The following EIF4E2 variants were observed in gnomAD, a reference collection of about 807,000 sequenced individuals.
EIF4E2 encodes the protein eukaryotic translation initiation factor 4E family member 2.
A neutral mutation model predicts 34.2 loss-of-function variants in EIF4E2; 13 were observed. That is an observed-to-expected ratio of 0.38 (90% CI 0.25 to 0.60). EIF4E2 has a LOEUF of 0.60. Among genes scored for constraint, EIF4E2 ranks in the 20% least tolerant of loss-of-function variants. The probability of loss-of-function intolerance (pLI) is 0.62; values close to 1 mark genes in which losing one functional copy is unlikely to be tolerated. For synonymous variants in EIF4E2, 100 were observed against 106.6 expected, an observed-to-expected ratio of 0.94 and a Z score of 0.38; for missense variants, 222 against 315.1, an observed-to-expected ratio of 0.70 and a Z score of 2.24.
downstream of EIF4E2, among the ~76,000 whole-genome samples, chr2:232,573,053 A>G (rs1420067016): frequency 6.6e-6 from 1 of 152,218 alleles, no homozygotes; most frequent in African/African-American, 2.4e-5. Flanking sequence ...TCAGGGATTC[A>G]CAAAGCACAT....
At chr2:232,577,884 T>C (rs1693259846) in intron 6 of EIF4E2, among the ~76,000 whole-genome samples, 1 of 152,234 alleles carries the variant, frequency 6.6e-6, no homozygotes, top group African/African-American at 2.4e-5. Flanking sequence ...TAGTTTGCTT[T>C]TAAAAGAACA....
At chr2:232,583,283 T>C (rs1214550590) in exon 7 of EIF4E2, 5 of 152,314 alleles carry the variant, frequency 3.3e-5, no homozygotes, top group African/African-American at 7.2e-5. Flanking sequence ...GTCTCCACTT[T>C]GCACAGTTGG....
intron 6 of EIF4E2, among the ~76,000 whole-genome samples, chr2:232,576,531 G>A (rs1430757914): frequency 6.6e-6 from 1 of 152,080 alleles, no homozygotes; most frequent in African/African-American, 2.4e-5. Context: ...GGAGGCAGAC[G>A]AAGAGAACAC....
intron 1 of EIF4E2, 74 bp from the exon 2 acceptor site, chr2:232,556,342 T>C (rs1692521377): frequency 1.6e-6 from 2 of 1,230,798 alleles, no homozygotes; most frequent in Admixed American, 3.9e-5. Flanking sequence ...GTAGTTCGTA[T>C]GACCTGGTGG....
At chr2:232,576,503 CT>C (rs11348496) in intron 6 of EIF4E2, among the ~76,000 whole-genome samples, 37,326 of 151,902 alleles carry the variant, frequency 0.25, 5,088 homozygotes, top group East Asian at 0.4. Flanking sequence ...GCCCCCGTGT[CT>C]TTTTTTATAC....
chr2:232,577,567 A>G (rs1693252263), intron 6 of EIF4E2, among the ~76,000 whole-genome samples: 1 of 152,194 alleles, frequency 6.6e-6, no homozygotes, highest in Non-Finnish European at 1.5e-5. Context: ...GTACTAAAAG[A>G]TGACCATTTT....
At chr2:232,568,761 G>A in intron 6 of EIF4E2, 184 bp from the exon 7 acceptor site, 1 of 985,380 alleles carries the variant, frequency 1.0e-6, no homozygotes, top group South Asian at 4.7e-5. Flanking sequence ...TGGGCTTTTT[G>A]CCTTAGTCTG....
downstream of EIF4E2, chr2:232,573,984 G>A (rs1295716831): frequency 6.3e-6 from 4 of 634,476 alleles, no homozygotes; most frequent in East Asian, 6.4e-5. Context: ...CTCCCCTGGA[G>A]CCTTGTTGAA....
At chr2:232,563,519 G>A (rs1308915733) in intron 3 of EIF4E2, among the ~76,000 whole-genome samples, 2 of 152,064 alleles carry the variant, frequency 1.3e-5, no homozygotes, top group African/African-American at 4.8e-5. Context: ...GTGAAGGAGC[G>A]GCAAGGAGAA....
chr2:232,557,902 G>T lies in EIF4E2; in HGVS notation c.154G>T (p.Ala52Ser). 1 of 1,613,530 alleles carries T rather than the reference G, an allele frequency of 6.2e-7. No individual in the cohort carries two copies. The highest frequency in any genetic ancestry group is 2.2e-5 in the East Asian group (1 of 44,874). ...SKRKAVVPGP[A>S]EHPLQYNYTF... Reference sequence around the variant, plus strand: ...TTCCCAGGCTGTTGTCCCTGGACCGGCAGAGCATCCCCTGCAGTACAACTA... The same window carrying T: ...TTCCCAGGCTGTTGTCCCTGGACCGTCAGAGCATCCCCTGCAGTACAACTA... Residue 52 changes from alanine (A) to serine (S), a missense_variant, in exon 3 of 7, where the codon GCA becomes TCA. Coordinates refer to ENST00000258416, the MANE Select transcript of EIF4E2 (RefSeq NM_004846.4).
exon 7 of EIF4E2, chr2:232,582,645 G>C (rs1375622037): frequency 6.6e-6 from 1 of 152,320 alleles, no homozygotes; most frequent in African/African-American, 2.4e-5. Flanking sequence ...ATTCAGATTT[G>C]CCGTGAAAAT....
chr2:232,563,477 GA>G (rs1355346380), intron 3 of EIF4E2, among the ~76,000 whole-genome samples: 1 of 152,032 alleles, frequency 6.6e-6, no homozygotes, highest in Non-Finnish European at 1.5e-5. Context: ...ATACTTGATG[GA>G]AAAATATAAA....
intron 2 of EIF4E2, among the ~76,000 whole-genome samples, chr2:232,557,367 C>T (rs1179290162): frequency 2.0e-5 from 3 of 152,216 alleles, no homozygotes; most frequent in Non-Finnish European, 2.9e-5. Flanking sequence ...GTGAATGAGA[C>T]TGTGGAAGGG....
downstream of EIF4E2, among the ~76,000 whole-genome samples, chr2:232,572,514 C>T (rs1240970903): frequency 2.0e-5 from 3 of 152,054 alleles, no homozygotes; most frequent in South Asian, 2.1e-4. Flanking sequence ...TACAGGTGCC[C>T]GCCACCATGC....
downstream of EIF4E2, among the ~76,000 whole-genome samples, chr2:232,572,020 C>T (rs1693103998): frequency 6.6e-6 from 1 of 152,192 alleles, no homozygotes; most frequent in Admixed American, 6.5e-5. Flanking sequence ...CAAGAGTGGT[C>T]TTAAAAGAGC....
At position 232,564,334 on chromosome 2, in the gene EIF4E2, A is replaced by G. The variant is rs1692837444; in HGVS notation, c.358A>G (p.Ile120Val). 2.5e-6 allele frequency: 4 copies of G among 1,583,214 alleles called. No homozygotes were observed. In the East Asian group the frequency reaches 9.1e-5, roughly 36 times the overall value. The change falls in exon 4 of 7, where the codon ATT becomes GTT. Residue 120 changes from isoleucine (I) to valine (V), a missense_variant. This residue lies in a region of EIF4E2 where 105 missense variants were observed against 195.1 expected (regional missense o/e 0.54). Transcript: ENST00000258416. ...TGACTTCCATCTCTTCAAAGAAGGA[A>G]TTAAACCCATGTGGGAGGTAAGGAC... is the stretch of plus-strand genomic sequence containing the variant. ...HSDFHLFKEG[I>V]KPMWEDDANK...
intron 6 of EIF4E2, chr2:232,580,845 C>A: frequency 6.9e-7 from 1 of 1,446,576 alleles, no homozygotes; most frequent in Non-Finnish European, 9.4e-7. Flanking sequence ...TATATGTGTG[C>A]TTCTGTATAG....
intron 6 of EIF4E2, among the ~76,000 whole-genome samples, chr2:232,580,126 ACACACACT>A (rs1167359713): frequency 1.7e-5 from 2 of 118,898 alleles, no homozygotes; most frequent in Non-Finnish European, 3.6e-5. Flanking sequence ...ACACACACAC[ACACACACT>A]TTCAAGAATT....
chr2:232,567,443 C>T, intron 6 of EIF4E2: 2 of 1,344,044 alleles, frequency 1.5e-6, no homozygotes, highest in Non-Finnish European at 1.9e-6. Context: ...CTGCAGAAAC[C>T]CAGTTGTACT....
Sources: gnomAD v4.1 joint callset for allele counts (sites outside exome capture counted in the v4.1 genomes callset) on GRCh38, gnomAD v4.1.1 for gene constraint, gnomAD v4.1.1 regional missense constraint, MANE v1.5 for transcripts, NCBI Gene and HGNC (gene_info 2026-07-23, HGNC 2026-07-21) for gene names.